MICU3: variants seen among roughly 807,000 people sequenced by gnomAD.
The protein encoded by MICU3 is mitochondrial calcium uptake 3, also known as calcium uptake protein 3, mitochondrial.
In MICU3, 62 loss-of-function variants were observed where a neutral mutation model predicts 66.5. The ratio of observed to expected loss-of-function variants is 0.93; its 90% CI spans 0.76 to 1.15. MICU3 has a LOEUF of 1.15. MICU3 is among the 50% of genes most tolerant of loss of function. The probability of loss-of-function intolerance (pLI) is 0.00; values close to 1 mark genes in which losing one functional copy is unlikely to be tolerated. For missense variants in MICU3, 779 were observed against 664.4 expected (o/e 1.17, Z -1.90); for synonymous variants, 308 against 240.7 (o/e 1.28, Z -2.59).
intron 8 of MICU3, among the ~76,000 whole-genome samples, chr8:17,093,646 ATTG>A (rs1376749968): frequency 2.0e-5 from 3 of 151,830 alleles, no homozygotes; most frequent in Non-Finnish European, 1.5e-5. Flanking sequence ...TGTATTTTGA[ATTG>A]TTGTTACCTG....
At chr8:17,068,028 G>A (rs978418637) in intron 2 of MICU3, among the ~76,000 whole-genome samples, 2 of 151,916 alleles carry the variant, frequency 1.3e-5, no homozygotes, top group Admixed American at 1.3e-4. Context: ...TTCCAACATA[G>A]CATCAAGAAT....
At chr8:17,070,351 T>C (rs1461514944) in intron 3 of MICU3, among the ~76,000 whole-genome samples, 43 of 152,146 alleles carry the variant, frequency 2.8e-4, no homozygotes, top group Non-Finnish European at 2.9e-5. Context: ...AGAAACATGA[T>C]GGTAAAGAAA....
At chr8:17,081,512 G>C (rs1424426719) in intron 4 of MICU3, among the ~76,000 whole-genome samples, 181 bp from the exon 5 acceptor site, 2 of 151,904 alleles carry the variant, frequency 1.3e-5, no homozygotes, top group African/African-American at 4.8e-5. Flanking sequence ...TATCTACAAA[G>C]GCATGTGGAA....
At chr8:17,071,608 A>C (rs900263494) in intron 3 of MICU3, among the ~76,000 whole-genome samples, 3 of 152,200 alleles carry the variant, frequency 2.0e-5, no homozygotes, top group African/African-American at 7.2e-5. Flanking sequence ...GTATGAAAAA[A>C]AGAAGAGGCT....
chr8:17,132,713 G>A, the MICU3 span: 1 of 152,200 alleles, frequency 6.6e-6, no homozygotes, highest in East Asian at 1.9e-4. Context: ...TTCCCTTTAA[G>A]AACTCAGATC....
At chr8:17,036,080 G>C (rs1355407140) in intron 1 of MICU3, among the ~76,000 whole-genome samples, 1 of 152,142 alleles carries the variant, frequency 6.6e-6, no homozygotes, top group Non-Finnish European at 1.5e-5. Flanking sequence ...CTCTTAAGGT[G>C]GCACGTCTGG....
At chr8:17,104,103 AAGAT>A (rs1391444661) in intron 9 of MICU3, among the ~76,000 whole-genome samples, 232 of 152,068 alleles carry the variant, frequency 1.5e-3, no homozygotes, top group African/African-American at 5.2e-3. Flanking sequence ...GATAATTTAA[AAGAT>A]AGAATCCTAT....
At chr8:17,130,215 T>C in the MICU3 span, among the ~76,000 whole-genome samples, 3 of 152,114 alleles carry the variant, frequency 2.0e-5, no homozygotes, top group Non-Finnish European at 4.4e-5. Flanking sequence ...TACAATGTTT[T>C]CCCTTAAGTG....
chr8:17,116,032 A>C (rs1247621119), intron 12 of MICU3, among the ~76,000 whole-genome samples: 1 of 152,198 alleles, frequency 6.6e-6, no homozygotes, highest in Admixed American at 6.5e-5. Flanking sequence ...CACTAAACAC[A>C]GAAGTGATCA....
chr8:17,048,857 G>C (rs757161692), intron 1 of MICU3, among the ~76,000 whole-genome samples: 1 of 152,096 alleles, frequency 6.6e-6, no homozygotes, highest in Middle Eastern at 3.2e-3. Context: ...GGGCTCAAGT[G>C]GTCCTCCCAC....
chr8:17,066,530 T>TAG lies in MICU3; in HGVS notation c.535+2294_535+2295insGA, dbSNP rs10694659. Among the ~76,000 whole-genome samples the TAG allele has an allele frequency of 2.2e-3, 284 of 127,164 alleles. 2 individuals are homozygous for TAG. In the South Asian group the frequency reaches 0.03, roughly 13 times the overall value. 83.4% of individuals were successfully genotyped at this position (127,164 alleles called of 152,430 possible). ...ATTGTTAATAATCTATATATATATA[T>TAG]ATATATATATAGATTTTTTTTTTTT... On this transcript the variant is annotated intron_variant, in intron 2 of 14. Transcript: ENST00000318063.
intron 1 of MICU3, among the ~76,000 whole-genome samples, chr8:17,043,230 C>T (rs557471856): frequency 1.1e-4 from 16 of 152,212 alleles, no homozygotes; most frequent in African/African-American, 2.4e-4. Flanking sequence ...TGAGCCACCG[C>T]GCCCGGCCTC....
chr8:17,125,490 G>A (rs139955374), downstream of MICU3, among the ~76,000 whole-genome samples: 3 of 152,192 alleles, frequency 2.0e-5, no homozygotes, highest in East Asian at 3.9e-4. Flanking sequence ...GAATCTCTGT[G>A]TGGCTGAGAT....
chr8:17,133,655 C>G, the MICU3 span, among the ~76,000 whole-genome samples: 1 of 152,046 alleles, frequency 6.6e-6, no homozygotes, highest in Admixed American at 6.6e-5. Flanking sequence ...CTAAAAAAAT[C>G]CACCTGGGAC....
rs145215240 is a variant in MICU3 at position 17,082,243 on chromosome 8, C to T, written c.694+503C>T. Among the ~76,000 whole-genome samples the T allele has an allele frequency of 2.1e-4, 32 of 152,234 alleles. No individual in the cohort carries two copies. The East Asian group carries it at 6.2e-3, about 29-fold the overall frequency. On this transcript the variant is annotated intron_variant, in intron 5 of 14. Coordinates refer to ENST00000318063, the MANE Select transcript of MICU3 (RefSeq NM_181723.3). ...TTTCTTTGCATTTAATGGAGACAAT[C>T]TGTTATAGTTTACTGTGTTCCAGCC...
downstream of MICU3, among the ~76,000 whole-genome samples, chr8:17,127,035 G>T (rs530689699): frequency 6.6e-6 from 1 of 152,296 alleles, no homozygotes; most frequent in African/African-American, 2.4e-5. Context: ...GTAGCTTAAA[G>T]GTAAGCACAT....
At chr8:17,084,404 C>T (rs1447658167) in intron 5 of MICU3, among the ~76,000 whole-genome samples, 1 of 152,102 alleles carries the variant, frequency 6.6e-6, no homozygotes, top group Non-Finnish European at 1.5e-5. Context: ...AGGACACTAT[C>T]TGTGCCTCTT....
chr8:17,071,593 A>C (rs2150677658), intron 3 of MICU3, among the ~76,000 whole-genome samples: 1 of 152,280 alleles, frequency 6.6e-6, no homozygotes, highest in South Asian at 2.1e-4. Context: ...AGACCATAAT[A>C]TGTAGTATGA....
chr8:17,028,925 C>G (rs1811515011), intron 1 of MICU3, among the ~76,000 whole-genome samples: 1 of 151,804 alleles, frequency 6.6e-6, no homozygotes, highest in South Asian at 2.1e-4. Flanking sequence ...GTAGTATTTT[C>G]TTTTCTTTCT....
Sources: allele counts gnomAD v4.1 joint callset (sites outside exome capture counted in the v4.1 genomes callset), GRCh38; gene constraint gnomAD v4.1.1; transcripts MANE v1.5; gene names NCBI Gene and HGNC (gene_info 2026-07-23, HGNC 2026-07-21).